The following USP48 variants were observed in gnomAD, a reference collection of about 807,000 sequenced individuals.
USP48 encodes ubiquitin specific peptidase 48, also known as ubiquitin carboxyl-terminal hydrolase 48.
In USP48, 43 loss-of-function variants were observed where a neutral mutation model predicts 150.7. That is an observed-to-expected ratio of 0.29 (90% CI 0.22 to 0.37). USP48 has a LOEUF of 0.37. Among genes scored for constraint, USP48 ranks in the 10% least tolerant of loss-of-function variants. USP48 has a pLI of 1.00. For synonymous variants in USP48, 396 were observed against 425.9 expected, an observed-to-expected ratio of 0.93 and a Z score of 0.86; for missense variants, 813 against 1,249.6, an observed-to-expected ratio of 0.65 and a Z score of 5.27.
intron 26 of USP48, among the ~76,000 whole-genome samples, chr1:21,680,332 G>A (rs975686929): frequency 6.6e-6 from 1 of 152,212 alleles, no homozygotes; most frequent in Non-Finnish European, 1.5e-5. Context: ...GCACCACCGT[G>A]TCTCCTCTTG....
intron 9 of USP48, among the ~76,000 whole-genome samples, chr1:21,733,291 C>A (rs1557523198): frequency 6.6e-6 from 1 of 152,070 alleles, no homozygotes; most frequent in Non-Finnish European, 1.5e-5. Flanking sequence ...GTGGCACGTG[C>A]CTGTAATCCT....
At chr1:21,757,139 G>A (rs891342837) in intron 2 of USP48, among the ~76,000 whole-genome samples, 32 of 152,030 alleles carry the variant, frequency 2.1e-4, no homozygotes, top group African/African-American at 7.2e-4. Context: ...AGAGGGAACT[G>A]GCTGCAACTT....
chr1:21,762,280 A>AC (rs1187184130), intron 1 of USP48, among the ~76,000 whole-genome samples: 1 of 152,058 alleles, frequency 6.6e-6, no homozygotes, highest in Non-Finnish European at 1.5e-5. Flanking sequence ...AAAAAAAAAA[A>AC]GAAGAAACAA....
rs1557429325 is a variant in USP48 at position 21,694,602 on chromosome 1, AAAAAAC to A, written c.2883+458_2883+463del. ...AAAAAAAAAAAAAAAAAAAAAAAAAAAAAAACCCCCTCTATCTATCAAATAGATTTA... is the reference window on the plus strand; with the variant it reads ...AAAAAAAAAAAAAAAAAAAAAAAAAACCCCTCTATCTATCAAATAGATTTA... On this transcript the variant is annotated intron_variant, in intron 23 of 26. Transcript: ENST00000308271. 4.3e-4 allele frequency among the ~76,000 whole-genome samples: 33 copies of A among 76,350 alleles called. 1 individual carries two copies. Among genetic ancestry groups the A allele is most frequent in the African/African-American group, 6.7e-4 (19 of 28,528 alleles). The allele number at this position is 76,350 out of a possible 152,430, so 50.1% of individuals were successfully genotyped here.
intron 8 of USP48, among the ~76,000 whole-genome samples, chr1:21,737,236 C>A (rs1340022384): frequency 6.6e-6 from 1 of 152,134 alleles, no homozygotes; most frequent in East Asian, 1.9e-4. Context: ...CATGTATCAT[C>A]ACATTAGCAC....
At chr1:21,778,598 T>C (rs1572071512) in intron 1 of USP48, among the ~76,000 whole-genome samples, 1 of 53,304 alleles carries the variant, frequency 1.9e-5, no homozygotes, top group Non-Finnish European at 3.2e-5. Context: ...AAGACCCTCA[T>C]CTTAAAAAAA....
At chr1:21,768,010 A>G (rs542444845) in intron 1 of USP48, among the ~76,000 whole-genome samples, 1 of 152,260 alleles carries the variant, frequency 6.6e-6, no homozygotes, top group African/African-American at 2.4e-5. Flanking sequence ...GATCGAGACC[A>G]TCCTGGCTAA....
intron 15 of USP48, among the ~76,000 whole-genome samples, chr1:21,712,766 T>A (rs1424780445): frequency 2.0e-5 from 3 of 151,672 alleles, no homozygotes; most frequent in African/African-American, 7.3e-5. Flanking sequence ...GTAGGTGGGA[T>A]TACAGGCGTC....
intron 9 of USP48, among the ~76,000 whole-genome samples, chr1:21,732,262 C>A (rs2097758735): frequency 9.8e-6 from 1 of 102,412 alleles, no homozygotes; most frequent in African/African-American, 2.6e-5. Flanking sequence ...CTGGGCGACA[C>A]AGTGAGACTC....
chr1:21,700,654 C>CT (rs2097652812), intron 22 of USP48, among the ~76,000 whole-genome samples: 1 of 152,176 alleles, frequency 6.6e-6, no homozygotes, highest in South Asian at 2.1e-4. Flanking sequence ...AAAAATAAAA[C>CT]TTTGAGTAGA....
intron 25 of USP48, among the ~76,000 whole-genome samples, chr1:21,684,990 T>A (rs2097576850): frequency 6.6e-6 from 1 of 152,234 alleles, no homozygotes; most frequent in South Asian, 2.1e-4. Context: ...AGCTTTGTTC[T>A]TTTTGCTGAG....
chr1:21,730,526 C>T (rs1242228610), intron 9 of USP48, among the ~76,000 whole-genome samples: 1 of 151,918 alleles, frequency 6.6e-6, no homozygotes. Context: ...GAAAACCCAT[C>T]TGTCTAAAAA....
intron 25 of USP48, among the ~76,000 whole-genome samples, chr1:21,681,845 T>C (rs1196967051): frequency 6.6e-6 from 1 of 152,198 alleles, no homozygotes; most frequent in Non-Finnish European, 1.5e-5. Flanking sequence ...TCTGTATTTA[T>C]CTCCAATTCA....
chr1:21,703,424 G>T, intron 21 of USP48, 88 bp downstream of exon 21: 1 of 997,668 alleles, frequency 1.0e-6, no homozygotes, highest in South Asian at 1.5e-5. Context: ...TGCAGTCCTA[G>T]GCAGACCCTC....
intron 1 of USP48, among the ~76,000 whole-genome samples, chr1:21,779,298 A>G (rs1173289173): frequency 3.3e-5 from 5 of 152,202 alleles, no homozygotes; most frequent in Non-Finnish European, 4.4e-5. Context: ...TAATCCCAGC[A>G]CTTTGGGAGG....
At chr1:21,724,334 G>A (rs968621321) in intron 11 of USP48, 16 of 599,394 alleles carry the variant, frequency 2.7e-5, no homozygotes, top group African/African-American at 9.3e-5. Flanking sequence ...CTATGAGATC[G>A]GCTGGTATTA....
intron 26 of USP48, among the ~76,000 whole-genome samples, chr1:21,679,758 C>CA (rs1447320603): frequency 1.3e-5 from 2 of 152,200 alleles, no homozygotes; most frequent in Non-Finnish European, 2.9e-5. Flanking sequence ...TGCAGTGGTG[C>CA]AATCCTGGCT....
chr1:21,740,825 G>A (rs753989653), intron 8 of USP48, among the ~76,000 whole-genome samples: 9 of 152,144 alleles, frequency 5.9e-5, no homozygotes, highest in Admixed American at 1.3e-4. Context: ...ATCAAATGAC[G>A]AAGAACCAAA....
At chr1:21,704,201 C>A in intron 20 of USP48, 61 bp downstream of exon 20, 3 of 1,570,256 alleles carry the variant, frequency 1.9e-6, no homozygotes, top group East Asian at 4.5e-5. Context: ...CACTGACACA[C>A]CCTTTCTTCT....
Sources: allele counts gnomAD v4.1 joint callset (sites outside exome capture counted in the v4.1 genomes callset), GRCh38; gene constraint gnomAD v4.1.1; transcripts MANE v1.5; gene names NCBI Gene and HGNC (gene_info 2026-07-23, HGNC 2026-07-21).